Variants in FHIT observed in about 807,000 individuals in gnomAD.
FHIT encodes the protein bis(5'-adenosyl)-triphosphatase.
Under a neutral mutation model 17.9 loss-of-function variants are expected in FHIT, and 19 were observed. That is an observed-to-expected ratio of 1.06 (90% CI 0.74 to 1.56). The LOEUF (loss-of-function observed/expected upper bound fraction) is 1.56, where lower values mean the gene tolerates loss of function less well. FHIT is among the 40% of genes most tolerant of loss of function. The pLI is 0.00. For synonymous variants in FHIT, 81 were observed against 69.7 expected, an observed-to-expected ratio of 1.16 and a Z score of -0.81; for missense variants, 248 against 189.2, an observed-to-expected ratio of 1.31 and a Z score of -1.82.
intron 5 of FHIT, among the ~76,000 whole-genome samples, chr3:60,033,959 C>T (rs755623314): frequency 6.6e-6 from 1 of 152,264 alleles, no homozygotes; most frequent in Non-Finnish European, 1.5e-5. Context: ...TAAGAACAGG[C>T]TCTGGGAAGA....
chr3:61,208,538 T>A (rs1012381545), intron 1 of FHIT, among the ~76,000 whole-genome samples: 2 of 152,142 alleles, frequency 1.3e-5, no homozygotes, highest in Non-Finnish European at 2.9e-5. Flanking sequence ...TTAGCTCTTC[T>A]CATTGAATTG....
chr3:60,344,223 T>C (rs894739225), intron 5 of FHIT, among the ~76,000 whole-genome samples: 2 of 152,218 alleles, frequency 1.3e-5, no homozygotes, highest in African/African-American at 4.8e-5. Flanking sequence ...AAACAGCTAA[T>C]ACTTCTCCAT....
At chr3:60,757,359 A>T (rs1387913249) in intron 4 of FHIT, among the ~76,000 whole-genome samples, 1 of 152,238 alleles carries the variant, frequency 6.6e-6, no homozygotes, top group Non-Finnish European at 1.5e-5. Context: ...TTCAGATTGA[A>T]CAAAGCAATG....
At chr3:60,328,825 T>TCACA (rs1225798294) in intron 5 of FHIT, among the ~76,000 whole-genome samples, 1 of 152,198 alleles carries the variant, frequency 6.6e-6, no homozygotes, top group African/African-American at 2.4e-5. Flanking sequence ...CCCACCCAGG[T>TCACA]CACAGTCTTC....
chr3:61,057,337 T>C (rs112109298), intron 2 of FHIT, among the ~76,000 whole-genome samples: 4 of 152,212 alleles, frequency 2.6e-5, no homozygotes, highest in Non-Finnish European at 5.9e-5. Flanking sequence ...TAAGTTAACA[T>C]TGGGGGTTCA....
At chr3:60,530,892 G>A (rs1441889926) in intron 5 of FHIT, among the ~76,000 whole-genome samples, 1 of 152,126 alleles carries the variant, frequency 6.6e-6, no homozygotes, top group Non-Finnish European at 1.5e-5. Context: ...CTTGTAGCTG[G>A]TGGCCATGTA....
intron 4 of FHIT, among the ~76,000 whole-genome samples, chr3:60,728,460 C>T (rs2041960569): frequency 6.6e-6 from 1 of 152,056 alleles, no homozygotes; most frequent in Admixed American, 6.5e-5. Flanking sequence ...CAAGTTTTTG[C>T]AGGTAAAATG....
intron 5 of FHIT, among the ~76,000 whole-genome samples, chr3:60,503,966 A>T (rs1358244522): frequency 6.6e-6 from 1 of 152,208 alleles, no homozygotes; most frequent in Non-Finnish European, 1.5e-5. Context: ...ATTTTAAGAA[A>T]GAGCAAATAA....
intron 3 of FHIT, among the ~76,000 whole-genome samples, chr3:60,964,265 T>C (rs1341966230): frequency 5.9e-5 from 9 of 152,056 alleles, no homozygotes; most frequent in African/African-American, 2.2e-4. Context: ...CCTGCTTGTT[T>C]TTTTTTTTCC....
chr3:59,906,997 A>G (rs919419284), intron 8 of FHIT, among the ~76,000 whole-genome samples: 7 of 152,202 alleles, frequency 4.6e-5, no homozygotes, highest in African/African-American at 1.7e-4. Flanking sequence ...TTCTTTCTCA[A>G]TTGAACTATT....
At chr3:60,123,516 GC>G (rs1029063104) in intron 5 of FHIT, among the ~76,000 whole-genome samples, 5 of 152,102 alleles carry the variant, frequency 3.3e-5, no homozygotes, top group African/African-American at 1.2e-4. Flanking sequence ...GAGAAAAAAA[GC>G]AAATGTGTTA....
intron 5 of FHIT, among the ~76,000 whole-genome samples, chr3:60,477,678 T>C (rs1163722841): frequency 1.3e-5 from 2 of 152,226 alleles, no homozygotes; most frequent in Non-Finnish European, 2.9e-5. Context: ...ACCTTTTATA[T>C]ACATATGTAA....
intron 5 of FHIT, among the ~76,000 whole-genome samples, chr3:60,432,103 G>A (rs1248837250): frequency 6.6e-6 from 1 of 152,074 alleles, no homozygotes; most frequent in Non-Finnish European, 1.5e-5. Flanking sequence ...AGCCTCCTGA[G>A]TAGCTGGGAC....
intron 5 of FHIT, among the ~76,000 whole-genome samples, chr3:60,359,592 A>G (rs967274131): frequency 6.6e-6 from 1 of 152,314 alleles, no homozygotes. Context: ...ATATCAAAAT[A>G]TCTTTTTCGA....
At chr3:60,820,249 G>A (rs994131218) in intron 4 of FHIT, among the ~76,000 whole-genome samples, 22 of 152,042 alleles carry the variant, frequency 1.4e-4, no homozygotes, top group East Asian at 7.7e-4. Context: ...TAGAGGTTGC[G>A]GTTAGCTGAG....
chr3:60,773,023 A>T (rs541001660), intron 4 of FHIT, among the ~76,000 whole-genome samples: 25 of 152,242 alleles, frequency 1.6e-4, no homozygotes, highest in South Asian at 4.2e-4. Flanking sequence ...TATGAGATTG[A>T]TTTGAATAAT....
chr3:61,103,486 T>C (rs1431973418), intron 2 of FHIT, among the ~76,000 whole-genome samples: 1 of 152,208 alleles, frequency 6.6e-6, no homozygotes, highest in Non-Finnish European at 1.5e-5. Flanking sequence ...TTGTGGTCAA[T>C]TTTAGAATAC....
rs2118813 is a variant in FHIT, at chr3:61,076,440, A to G, written c.-163-34341T>C. ...AGGAAAAGTGAGATCCATCCATGAC[A>G]TGTCTCTTGAGGACTCTTTTAGGAC... On this transcript the variant is annotated intron_variant, in intron 2 of 9. Coordinates refer to ENST00000492590, the MANE Select transcript of FHIT (RefSeq NM_002012.4). Among the ~76,000 whole-genome samples, 574 of 152,260 alleles carry G rather than the reference A, an allele frequency of 3.8e-3. 3 individuals are homozygous for G. The highest frequency in any genetic ancestry group is 0.013 in the African/African-American group (553 of 41,542).
intron 5 of FHIT, among the ~76,000 whole-genome samples, chr3:60,095,730 A>G (rs944100470): frequency 6.6e-6 from 1 of 152,230 alleles, no homozygotes; most frequent in Non-Finnish European, 1.5e-5. Flanking sequence ...GATCTCTCAC[A>G]GGCTGAGAAA....
Sources: allele counts gnomAD v4.1 joint callset (sites outside exome capture counted in the v4.1 genomes callset), GRCh38; gene constraint gnomAD v4.1.1; transcripts MANE v1.5; gene names NCBI Gene and HGNC (gene_info 2026-07-23, HGNC 2026-07-21).